Variants in MARK3 observed in about 807,000 individuals in gnomAD.
MARK3 encodes MAP/microtubule affinity-regulating kinase 3.
Under a neutral mutation model 90.1 loss-of-function variants are expected in MARK3, and 46 were observed. That is an observed-to-expected ratio of 0.51 (90% CI 0.40 to 0.65). The LOEUF is 0.65. Among genes scored for constraint, MARK3 ranks in the 30% least tolerant of loss-of-function variants. MARK3 has a pLI of 0.00. For missense variants in MARK3, 818 were observed against 947.2 expected, an observed-to-expected ratio of 0.86 and a Z score of 1.79; for synonymous variants, 321 against 332.6, an observed-to-expected ratio of 0.97 and a Z score of 0.38.
intron 14 of MARK3, among the ~76,000 whole-genome samples, chr14:103,485,954 C>A (rs1330054164): frequency 6.6e-6 from 1 of 152,084 alleles, no homozygotes; most frequent in Non-Finnish European, 1.5e-5. Context: ...TCTCTTCATG[C>A]AACTTGAATT....
intron 2 of MARK3, among the ~76,000 whole-genome samples, chr14:103,420,450 C>T (rs1047440075): frequency 8.5e-5 from 13 of 152,144 alleles, no homozygotes; most frequent in African/African-American, 2.9e-4. Context: ...AGGCTGGTCT[C>T]GAACTCCTGG....
intron 13 of MARK3, among the ~76,000 whole-genome samples, chr14:103,477,511 C>T (rs1464238025): frequency 1.3e-5 from 2 of 151,670 alleles, no homozygotes; most frequent in East Asian, 1.9e-4. Context: ...AAAAAAAAGT[C>T]CATAGCTGTG....
At chr14:103,398,801 G>A (rs1451218799) in intron 1 of MARK3, among the ~76,000 whole-genome samples, 1 of 152,194 alleles carries the variant, frequency 6.6e-6, no homozygotes, top group East Asian at 1.9e-4. Context: ...AAAATACTTG[G>A]AGGACAGCCA....
intron 14 of MARK3, among the ~76,000 whole-genome samples, chr14:103,482,645 A>G (rs928488951): frequency 2.6e-5 from 4 of 152,172 alleles, no homozygotes; most frequent in Non-Finnish European, 5.9e-5. Flanking sequence ...CAAGGGTGTT[A>G]AGACTAAGAT....
chr14:103,464,842 G>T (rs542618320), intron 7 of MARK3, among the ~76,000 whole-genome samples: 2 of 152,200 alleles, frequency 1.3e-5, no homozygotes, highest in African/African-American at 4.8e-5. Context: ...GATTGCAGAT[G>T]TGTGCCACCA....
chr14:103,412,337 A>T (rs2091691112), intron 2 of MARK3: 2 of 632,102 alleles, frequency 3.2e-6, no homozygotes, highest in Admixed American at 2.3e-5. Flanking sequence ...CACTTTGGCC[A>T]CCGTGTTTTC....
chr14:103,430,452 T>TG, intron 3 of MARK3, among the ~76,000 whole-genome samples: 1 of 149,834 alleles, frequency 6.7e-6, no homozygotes, highest in Non-Finnish European at 1.5e-5. Flanking sequence ...CAGTCATTCT[T>TG]GCATCCTTTT....
intron 1 of MARK3, among the ~76,000 whole-genome samples, chr14:103,390,228 A>G (rs1469129627): frequency 1.3e-5 from 2 of 152,162 alleles, no homozygotes; most frequent in African/African-American, 4.8e-5. Flanking sequence ...AGCCTGGGCG[A>G]CAGAGTGAGA....
At chr14:103,406,320 G>T (rs1268682892) in intron 2 of MARK3, among the ~76,000 whole-genome samples, 1 of 152,012 alleles carries the variant, frequency 6.6e-6, no homozygotes, top group East Asian at 1.9e-4. Context: ...CGCCTCCCAG[G>T]TTCAAGCGTT....
intron 4 of MARK3, 132 bp downstream of exon 4, chr14:103,449,099 G>A (rs142708507): frequency 2.8e-6 from 3 of 1,063,040 alleles, no homozygotes; most frequent in East Asian, 2.8e-5. Context: ...TTGATCATTT[G>A]TATTAGCTTT....
intron 5 of MARK3, among the ~76,000 whole-genome samples, chr14:103,456,547 C>T (rs577197426): frequency 6.6e-6 from 1 of 152,228 alleles, no homozygotes; most frequent in Non-Finnish European, 1.5e-5. Flanking sequence ...TGTGCACACA[C>T]AGGCTCACTT....
intron 2 of MARK3, among the ~76,000 whole-genome samples, chr14:103,421,464 T>A (rs1014773539): frequency 1.3e-5 from 2 of 152,206 alleles, no homozygotes; most frequent in Non-Finnish European, 2.9e-5. Context: ...GTGATTTTTT[T>A]ATTTTGTTCA....
chr14:103,391,059 A>G (rs1360473654), intron 1 of MARK3, among the ~76,000 whole-genome samples: 1 of 152,164 alleles, frequency 6.6e-6, no homozygotes, highest in African/African-American at 2.4e-5. Context: ...AAAAAAATAG[A>G]ATGTTATTTA....
chr14:103,412,508 G>A (rs1357423897), intron 2 of MARK3: 2 of 513,126 alleles, frequency 3.9e-6, no homozygotes, highest in African/African-American at 2.0e-5. Context: ...TGGCACCTCA[G>A]TGTCCACTTG....
Position 103,475,001 on chromosome 14 carries a change from G to GC in MARK3, c.1274dup (p.Ile426TyrfsTer18). 6.2e-7 allele frequency: 1 copy of GC among 1,611,950 alleles called. No individual in the cohort carries two copies. Among genetic ancestry groups the GC allele is most frequent in the Non-Finnish European group, 8.5e-7 (1 of 1,178,080 alleles). ...TGAACTCTTTATTTTAGCTGGACCA[G>GC]CTATTCCTTCTGTTGTGGCGTATCC... On this transcript the variant is annotated frameshift_variant, in exon 13 of 18. Transcript: ENST00000429436. LOFTEE classifies it high-confidence loss of function.
Position 103,438,964 on chromosome 14 carries a change from G to A in MARK3, c.298-9955G>A, listed in dbSNP as rs1205559439. On this transcript the variant is annotated intron_variant, in intron 3 of 17. Transcript: ENST00000429436. ...GTTCATGCCACTGCATTCCAGCTTG[G>A]GTGACAGAGCAAGACTCCTTCTCTA... Among the ~76,000 whole-genome samples, 3 of 151,044 alleles carry A rather than the reference G, an allele frequency of 2.0e-5. No individual in the cohort carries two copies. In the East Asian group the frequency reaches 5.8e-4, roughly 29 times the overall value.
intron 13 of MARK3, among the ~76,000 whole-genome samples, chr14:103,475,960 T>C (rs2093707588): frequency 6.6e-6 from 1 of 150,398 alleles, no homozygotes; most frequent in Non-Finnish European, 1.5e-5. Flanking sequence ...AAAAAAAAGA[T>C]ACTAATCCCT....
chr14:103,469,148 A>G (rs1369539218), intron 12 of MARK3: 1 of 151,126 alleles, frequency 6.6e-6, no homozygotes, highest in African/African-American at 2.4e-5. Flanking sequence ...TACCTTTTTT[A>G]TTTCTATTTA....
chr14:103,398,913 T>C (rs1008034936), intron 1 of MARK3, among the ~76,000 whole-genome samples: 3 of 152,228 alleles, frequency 2.0e-5, no homozygotes, highest in Admixed American at 1.3e-4. Flanking sequence ...ATTTAAGGAA[T>C]AGAATGCATG....
Sources: allele counts gnomAD v4.1 joint callset (sites outside exome capture counted in the v4.1 genomes callset), GRCh38; gene constraint gnomAD v4.1.1; transcripts MANE v1.5; gene names NCBI Gene and HGNC (gene_info 2026-07-23, HGNC 2026-07-21).